The following GALNTL6 variants were observed in gnomAD, a reference collection of about 807,000 sequenced individuals.
GALNTL6 encodes the protein polypeptide N-acetylgalactosaminyltransferase-like 6.
Under a neutral mutation model 73.7 loss-of-function variants are expected in GALNTL6, and 46 were observed. That is an observed-to-expected ratio of 0.62 (90% CI 0.49 to 0.80). The LOEUF (loss-of-function observed/expected upper bound fraction) is 0.80, where lower values mean the gene tolerates loss of function less well. Ranked by LOEUF, GALNTL6 falls within the 30% of genes least tolerant of loss-of-function variation. The pLI, the probability that GALNTL6 is intolerant of heterozygous loss-of-function variation, is 0.00. For synonymous variants in GALNTL6, 259 were observed against 263.7 expected (o/e 0.98, Z 0.17); for missense variants, 604 against 755.0 (o/e 0.80, Z 2.34).
intron 10 of GALNTL6, among the ~76,000 whole-genome samples, chr4:172,996,421 A>G (rs1225750942): frequency 7.0e-6 from 1 of 143,032 alleles, no homozygotes; most frequent in Non-Finnish European, 1.6e-5. Flanking sequence ...AGAGATCAGG[A>G]AAAATAACTA....
chr4:172,911,655 G>C (rs947940464), intron 8 of GALNTL6, among the ~76,000 whole-genome samples: 1 of 152,142 alleles, frequency 6.6e-6, no homozygotes, highest in Non-Finnish European at 1.5e-5. Context: ...GAAACTCAAA[G>C]ATAAACAGAA....
chr4:172,866,476 C>T (rs1744669547), intron 7 of GALNTL6, among the ~76,000 whole-genome samples: 1 of 152,126 alleles, frequency 6.6e-6, no homozygotes. Flanking sequence ...ACTCATAGGG[C>T]GAGTTGTGAG....
intron 2 of GALNTL6, among the ~76,000 whole-genome samples, chr4:172,166,299 A>G (rs1290135774): frequency 6.6e-6 from 1 of 152,138 alleles, no homozygotes; most frequent in Admixed American, 6.5e-5. Flanking sequence ...TACAATAAGT[A>G]GCCAGGCGTG....
intron 5 of GALNTL6, among the ~76,000 whole-genome samples, chr4:172,625,477 G>A (rs1295518964): frequency 1.3e-5 from 2 of 151,966 alleles, no homozygotes; most frequent in African/African-American, 4.8e-5. Flanking sequence ...ATAGCATCAC[G>A]ATGAACAAAA....
At chr4:172,272,122 T>G (rs1209544337) in intron 3 of GALNTL6, among the ~76,000 whole-genome samples, 2 of 151,966 alleles carry the variant, frequency 1.3e-5, no homozygotes, top group Non-Finnish European at 2.9e-5. Context: ...CCAGATAATT[T>G]TTTTGTATTT....
chr4:172,826,447 A>T (rs1409163012), intron 7 of GALNTL6, among the ~76,000 whole-genome samples: 3 of 152,204 alleles, frequency 2.0e-5, no homozygotes, highest in Non-Finnish European at 4.4e-5. Flanking sequence ...AATTCCTTCT[A>T]CAAAAATAGC....
intron 10 of GALNTL6, among the ~76,000 whole-genome samples, chr4:172,980,602 G>A (rs1045204754): frequency 2.0e-5 from 3 of 152,296 alleles, no homozygotes; most frequent in East Asian, 1.9e-4. Context: ...CCTCCTCTCT[G>A]TGTGTTCATA....
At chr4:171,864,431 T>C (rs1446097061) in intron 2 of GALNTL6, among the ~76,000 whole-genome samples, 1 of 152,200 alleles carries the variant, frequency 6.6e-6, no homozygotes, top group Non-Finnish European at 1.5e-5. Flanking sequence ...TAGCAAGATA[T>C]GCTAGCATAG....
intron 5 of GALNTL6, among the ~76,000 whole-genome samples, chr4:172,713,701 T>G (rs1734868532): frequency 6.6e-6 from 1 of 152,154 alleles, no homozygotes; most frequent in Non-Finnish European, 1.5e-5. Flanking sequence ...CCAGGGAGTC[T>G]GCCTATGCCC....
chr4:172,563,093 G>A (rs532849137), intron 5 of GALNTL6, among the ~76,000 whole-genome samples: 3 of 152,300 alleles, frequency 2.0e-5, no homozygotes, highest in Admixed American at 2.0e-4. Flanking sequence ...GGTTGCTCAA[G>A]TGTTTTAATA....
At chr4:171,860,602 A>G (rs903600492) in intron 2 of GALNTL6, among the ~76,000 whole-genome samples, 30 of 152,144 alleles carry the variant, frequency 2.0e-4, no homozygotes, top group Non-Finnish European at 1.2e-4. Context: ...CACATGTTTA[A>G]CATTTTTAAT....
At chr4:172,285,970 C>T (rs1459406415) in intron 3 of GALNTL6, among the ~76,000 whole-genome samples, 1 of 152,158 alleles carries the variant, frequency 6.6e-6, no homozygotes, top group African/African-American at 2.4e-5. Flanking sequence ...ACAAAATTAA[C>T]ATCTCAGAAA....
chr4:172,072,607 C>T (rs1188410648), intron 2 of GALNTL6, among the ~76,000 whole-genome samples: 1 of 152,160 alleles, frequency 6.6e-6, no homozygotes, highest in Non-Finnish European at 1.5e-5. Flanking sequence ...CACTCCCAAA[C>T]CATATACTTC....
At chr4:172,429,226 T>TTATTTTATTG (rs1731350982) in intron 5 of GALNTL6, among the ~76,000 whole-genome samples, 1 of 151,330 alleles carries the variant, frequency 6.6e-6, no homozygotes. Context: ...TTATTTTATT[T>TTATTTTATTG]TTTGAGACTG....
intron 2 of GALNTL6, among the ~76,000 whole-genome samples, chr4:172,222,803 G>A (rs1736728910): frequency 6.6e-6 from 1 of 151,850 alleles, no homozygotes; most frequent in Non-Finnish European, 1.5e-5. Context: ...CCAGGTCTTG[G>A]TAAGCTTCAT....
At chr4:172,264,593 T>TATATATATATA (rs1738384259) in intron 3 of GALNTL6, among the ~76,000 whole-genome samples, 3 of 102,786 alleles carry the variant, frequency 2.9e-5, no homozygotes, top group South Asian at 2.8e-4. Flanking sequence ...TATATATATA[T>TATATATATATA]TTGGCATATA....
intron 3 of GALNTL6, among the ~76,000 whole-genome samples, chr4:172,236,954 A>G (rs1737264962): frequency 6.6e-6 from 1 of 152,326 alleles, no homozygotes; most frequent in African/African-American, 2.4e-5. Context: ...ACTTATAATA[A>G]GAACATGTGA....
chr4:172,892,258 C>T (rs1361220333), intron 8 of GALNTL6, among the ~76,000 whole-genome samples: 3 of 152,186 alleles, frequency 2.0e-5, no homozygotes, highest in African/African-American at 7.2e-5. Flanking sequence ...TATGAGGAGG[C>T]TGGCAATTCT....
chr4:172,339,175 C>A (rs1431315175), intron 4 of GALNTL6, among the ~76,000 whole-genome samples: 4 of 151,482 alleles, frequency 2.6e-5, no homozygotes. Flanking sequence ...TGGAGATATG[C>A]CTGGGCATGG....
Sources: allele counts gnomAD v4.1 joint callset (sites outside exome capture counted in the v4.1 genomes callset), GRCh38; gene constraint gnomAD v4.1.1; transcripts MANE v1.5; gene names NCBI Gene and HGNC (gene_info 2026-07-23, HGNC 2026-07-21).